NDUFA10: variants seen among roughly 807,000 people sequenced by gnomAD.
The protein encoded by NDUFA10 is NADH dehydrogenase [ubiquinone] 1 alpha subcomplex subunit 10, mitochondrial.
NDUFA10 carries 40 observed loss-of-function variants against 47.8 expected under a neutral mutation model. That is an observed-to-expected ratio of 0.84 (90% CI 0.65 to 1.09). NDUFA10 has a LOEUF of 1.09. Among genes scored for constraint, NDUFA10 ranks in the 50% least tolerant of loss-of-function variants. The pLI is 0.00. For missense variants in NDUFA10, 413 were observed against 451.1 expected, an observed-to-expected ratio of 0.92 and a Z score of 0.76; for synonymous variants, 183 against 172.2, an observed-to-expected ratio of 1.06 and a Z score of -0.49.
chr2:239,961,787 T>C (rs1291513855), intron 9 of NDUFA10, among the ~76,000 whole-genome samples: 1 of 152,198 alleles, frequency 6.6e-6, no homozygotes, highest in East Asian at 1.9e-4. Context: ...CGGGAGCCAC[T>C]GAACATCCAG....
chr2:240,021,694 C>A (rs994492373), intron 2 of NDUFA10, among the ~76,000 whole-genome samples: 1 of 152,226 alleles, frequency 6.6e-6, no homozygotes, highest in Non-Finnish European at 1.5e-5. Flanking sequence ...CTCTAGCGGG[C>A]AGCTGCTGTC....
chr2:240,024,819 C>A (rs886788915), intron 1 of NDUFA10, among the ~76,000 whole-genome samples: 1 of 152,168 alleles, frequency 6.6e-6, no homozygotes, highest in Admixed American at 6.5e-5. Flanking sequence ...CACTGAACTC[C>A]GTGTCTGCTC....
At chr2:239,944,302 G>T (rs905702281) in intron 4 of NDUFA10, among the ~76,000 whole-genome samples, 1 of 152,242 alleles carries the variant, frequency 6.6e-6, no homozygotes, top group Admixed American at 6.5e-5. Flanking sequence ...CGGGGGCAGA[G>T]CGGCTGTTTG....
chr2:239,950,884 G>A (rs1254183642), intron 4 of NDUFA10, among the ~76,000 whole-genome samples: 2 of 152,134 alleles, frequency 1.3e-5, no homozygotes, highest in Non-Finnish European at 2.9e-5. Flanking sequence ...CAACAATTAC[G>A]GGGCAATTGT....
intron 3 of NDUFA10, among the ~76,000 whole-genome samples, chr2:240,019,280 C>T (rs1037855585): frequency 6.6e-6 from 1 of 152,188 alleles, no homozygotes; most frequent in African/African-American, 2.4e-5. Context: ...CTCCCTGTGG[C>T]GCCCTTAGCT....
At chr2:240,020,255 C>T (rs1447220909) in intron 3 of NDUFA10, among the ~76,000 whole-genome samples, 2 of 152,176 alleles carry the variant, frequency 1.3e-5, no homozygotes, top group African/African-American at 2.4e-5. Flanking sequence ...TGAGCTTGTG[C>T]GTGAGAAGCT....
rs533885861 is a variant in NDUFA10, at chr2:240,007,181, T to C, written c.804+135A>G. On this transcript the variant is annotated intron_variant, in intron 7 of 9. Transcript: ENST00000252711. ...AGGGGAGTGTGATGATGGGTTTGAC[T>C]GGCACTGCTTTCAGGTGATAAAACA... The C allele has an allele frequency of 7.0e-6, 5 of 713,770 alleles. No homozygotes were observed. The East Asian group carries it at 1.4e-4, about 19-fold the overall frequency. The allele number at this position is 713,770 out of a possible 1,614,324, so 44.2% of individuals were successfully genotyped here. A position where few individuals can be genotyped will look rare whatever the true frequency, so the allele number is the denominator to read the frequency against.
At position 240,025,227 on chromosome 2, in the gene NDUFA10, C is replaced by T; in HGVS notation, c.75G>A (p.Val25=). The T allele has an allele frequency of 1.3e-6, 2 of 1,492,476 alleles. No homozygotes were observed. The highest frequency in any genetic ancestry group is 1.8e-6 in the Non-Finnish European group (2 of 1,127,360). 92.5% of individuals were successfully genotyped at this position (1,492,476 alleles called of 1,614,324 possible). The change falls in exon 1 of 10, where the codon GTG becomes GTA. Residue 25 remains valine (V), a splice_region_variant and synonymous_variant. Coordinates refer to ENST00000252711, the MANE Select transcript of NDUFA10 (RefSeq NM_004544.4). ...CCCTGCCACCCCGCCGCCCGCTCAC[C>T]ACGCGCTGGGCGCCCGCCGCCACGA... is the stretch of plus-strand genomic sequence containing the variant. ...ARVVAAGAQR[V]RGIHSSVQCK...
At chr2:239,996,223 C>A (rs1473626794) in intron 8 of NDUFA10, among the ~76,000 whole-genome samples, 2 of 151,824 alleles carry the variant, frequency 1.3e-5, no homozygotes, top group South Asian at 4.2e-4. Context: ...TACAACACTC[C>A]AGCAACAGCA....
At chr2:239,937,341 A>G (rs1694281579) in intron 4 of NDUFA10, among the ~76,000 whole-genome samples, 2 of 152,356 alleles carry the variant, frequency 1.3e-5, no homozygotes, top group South Asian at 4.1e-4. Flanking sequence ...TCTGAAAAGG[A>G]TGCCTCATGC....
At chr2:240,023,212 A>G (rs923210857) in intron 1 of NDUFA10, among the ~76,000 whole-genome samples, 2 of 152,242 alleles carry the variant, frequency 1.3e-5, no homozygotes, top group Admixed American at 6.5e-5. Context: ...TTCAACAGAT[A>G]TGATGGGGTA....
rs1694756347 is a variant in NDUFA10 at position 239,959,426 on chromosome 2, C to G, written c.*1692G>C. The G allele has an allele frequency of 1.0e-6, 1 of 985,348 alleles. No homozygotes were observed. The highest frequency in any genetic ancestry group is 1.2e-6 in the Non-Finnish European group (1 of 829,936). 61.0% of individuals were successfully genotyped at this position (985,348 alleles called of 1,614,324 possible). A position where few individuals can be genotyped will look rare whatever the true frequency, so the allele number is the denominator to read the frequency against. On this transcript the variant is annotated 3_prime_UTR_variant, in exon 10 of 10. Coordinates refer to ENST00000252711, the MANE Select transcript of NDUFA10 (RefSeq NM_004544.4). ...GATAATTAAAGATGGCTTTCTTTTT[C>G]TTTCCTCCCCTCCACAATGGGTTTG...
intron 4 of NDUFA10, among the ~76,000 whole-genome samples, chr2:239,920,458 G>A (rs1693951197): frequency 1.3e-5 from 2 of 152,238 alleles, no homozygotes; most frequent in Admixed American, 6.5e-5. Context: ...ATCCGAGGGG[G>A]AGAAAATCAA....
At chr2:240,022,007 T>C (rs897298782) in intron 2 of NDUFA10, among the ~76,000 whole-genome samples, 165 bp downstream of exon 2, 8 of 152,178 alleles carry the variant, frequency 5.3e-5, no homozygotes, top group African/African-American at 1.9e-4. Context: ...TCTTGTTTCG[T>C]TTTATAAAAC....
At chr2:239,968,188 G>GAGAA (rs1483510780) in intron 9 of NDUFA10, among the ~76,000 whole-genome samples, 2 of 152,220 alleles carry the variant, frequency 1.3e-5, no homozygotes, top group African/African-American at 4.8e-5. Context: ...GAAAAGGGTG[G>GAGAA]AGAAATCCTA....
chr2:239,968,118 C>A (rs938054727), intron 9 of NDUFA10, among the ~76,000 whole-genome samples: 1 of 152,026 alleles, frequency 6.6e-6, no homozygotes, highest in Non-Finnish European at 1.5e-5. Flanking sequence ...CTAGAAAAAC[C>A]TAGAAATGAG....
intron 5 of NDUFA10, chr2:240,012,089 T>C (rs1033292134): frequency 8.0e-6 from 2 of 248,868 alleles, no homozygotes; most frequent in African/African-American, 5.1e-5. Flanking sequence ...CAGCACACTC[T>C]CTTCTTGTCA....
chr2:239,932,087 G>T (rs1409384303), intron 4 of NDUFA10, among the ~76,000 whole-genome samples: 1 of 152,024 alleles, frequency 6.6e-6, no homozygotes, highest in Middle Eastern at 3.4e-3. Flanking sequence ...ACCCTCTTCG[G>T]CCTCCCAAAG....
Position 239,959,052 on chromosome 2 carries a change from G to A in NDUFA10, c.*2066C>T. ...TCTTGAGGCTTCTATGTGGAGAGAA[G>A]AATTGGACAGTGTTTATTCATCTTT... is the stretch of plus-strand genomic sequence containing the variant. On this transcript the variant is annotated 3_prime_UTR_variant, in exon 10 of 10. Transcript: ENST00000252711. 1.0e-6 allele frequency: 1 copy of A among 985,486 alleles called. No homozygotes were observed. Among genetic ancestry groups the A allele is most frequent in the Non-Finnish European group, 1.2e-6 (1 of 829,946 alleles). 61.0% of individuals were successfully genotyped at this position (985,486 alleles called of 1,614,324 possible).
Sources: gnomAD v4.1 joint callset for allele counts (sites outside exome capture counted in the v4.1 genomes callset) on GRCh38, gnomAD v4.1.1 for gene constraint, MANE v1.5 for transcripts, NCBI Gene and HGNC (gene_info 2026-07-23, HGNC 2026-07-21) for gene names.